The following LRRC4C variants were observed in gnomAD, a reference collection of about 807,000 sequenced individuals.
LRRC4C encodes leucine rich repeat containing 4C, also known as leucine-rich repeat-containing protein 4C.
Under a neutral mutation model 33.6 loss-of-function variants are expected in LRRC4C, and 5 were observed. That is an observed-to-expected ratio of 0.15 (90% CI 0.08 to 0.31). The LOEUF (loss-of-function observed/expected upper bound fraction) is 0.31, where lower values mean the gene tolerates loss of function less well. Ranked by LOEUF, LRRC4C falls within the 10% of genes least tolerant of loss-of-function variation. The pLI, the probability that LRRC4C is intolerant of heterozygous loss-of-function variation, is 1.00. For missense variants in LRRC4C, 560 were observed against 796.7 expected (o/e 0.70, Z 3.58); for synonymous variants, 329 against 302.0 (o/e 1.09, Z -0.93).
chr11:40,952,976 G>A (rs1005863478), intron 1 of LRRC4C, among the ~76,000 whole-genome samples: 5 of 147,172 alleles, frequency 3.4e-5, no homozygotes, highest in Non-Finnish European at 7.4e-5. Flanking sequence ...CCCCTGTATG[G>A]TTGTAAAATC....
At chr11:40,365,470 G>A (rs1012671814) in intron 3 of LRRC4C, among the ~76,000 whole-genome samples, 1 of 151,832 alleles carries the variant, frequency 6.6e-6, no homozygotes, top group African/African-American at 2.4e-5. Flanking sequence ...AGTTCTGCCG[G>A]TTTTTTTACC....
chr11:41,178,875 G>T (rs1945322640), intron 1 of LRRC4C, among the ~76,000 whole-genome samples: 1 of 152,022 alleles, frequency 6.6e-6, no homozygotes, highest in South Asian at 2.1e-4. Context: ...GCTAATTTTT[G>T]CATTTTTAGT....
At chr11:41,188,705 C>CA (rs10559968) in intron 1 of LRRC4C, among the ~76,000 whole-genome samples, 2,693 of 111,074 alleles carry the variant, frequency 0.024, 41 homozygotes, top group African/African-American at 0.051. Flanking sequence ...GAAAAAGAAG[C>CA]AAAAAAAAAA....
intron 1 of LRRC4C, among the ~76,000 whole-genome samples, chr11:40,938,416 A>G (rs1409569373): frequency 6.6e-6 from 1 of 152,180 alleles, no homozygotes. Context: ...CACCAAGTAG[A>G]GACATTGTAC....
Position 40,992,807 on chromosome 11 carries a change from C to T in LRRC4C, c.-495-59084G>A, listed in dbSNP as rs7938992. On this transcript the variant is annotated intron_variant, in intron 1 of 6. Coordinates refer to ENST00000528697, the MANE Select transcript of LRRC4C (RefSeq NM_001258419.2). ...CATTTAATATTTATTTCTCCATCTT[C>T]CTCATAACAATATTGAGCAATTTTG... is the stretch of plus-strand genomic sequence containing the variant. 1.6e-3 allele frequency among the ~76,000 whole-genome samples: 249 copies of T among 152,224 alleles called. 1 individual carries two copies. Among genetic ancestry groups the T allele is most frequent in the African/African-American group, 5.5e-3 (230 of 41,566 alleles).
chr11:40,851,188 A>AT (rs1338702114), intron 2 of LRRC4C, among the ~76,000 whole-genome samples: 1 of 151,790 alleles, frequency 6.6e-6, no homozygotes, highest in Non-Finnish European at 1.5e-5. Context: ...GGGAAAAAAA[A>AT]AACCCTCCTG....
At chr11:41,031,205 G>C (rs1472906615) in intron 1 of LRRC4C, among the ~76,000 whole-genome samples, 1 of 151,888 alleles carries the variant, frequency 6.6e-6, no homozygotes, top group Non-Finnish European at 1.5e-5. Flanking sequence ...AAGGCCGAAG[G>C]TTGAGCAATG....
chr11:40,875,470 G>T (rs1395108972), intron 2 of LRRC4C, among the ~76,000 whole-genome samples: 1 of 152,188 alleles, frequency 6.6e-6, no homozygotes, highest in African/African-American at 2.4e-5. Flanking sequence ...CTCTAGGATA[G>T]TAGTATGACC....
At chr11:41,222,780 T>A (rs1235183758) in intron 1 of LRRC4C, 5 of 135,682 alleles carry the variant, frequency 3.7e-5, no homozygotes, top group African/African-American at 1.2e-4. Flanking sequence ...ACAACTGGTA[T>A]GGAGAAAGTG....
chr11:41,368,836 G>A (rs1438417294), intron 1 of LRRC4C, among the ~76,000 whole-genome samples: 3 of 152,142 alleles, frequency 2.0e-5, no homozygotes, highest in East Asian at 3.9e-4. Flanking sequence ...TTTGTTGCAG[G>A]AGGCATACTT....
chr11:41,372,556 T>C (rs906497536), intron 1 of LRRC4C, among the ~76,000 whole-genome samples: 8 of 152,202 alleles, frequency 5.3e-5, no homozygotes, highest in Non-Finnish European at 1.2e-4. Flanking sequence ...GGCATTTTAA[T>C]ATTACCAAAC....
At chr11:40,426,039 A>T (rs1488912438) in intron 3 of LRRC4C, among the ~76,000 whole-genome samples, 2 of 142,894 alleles carry the variant, frequency 1.4e-5, no homozygotes, top group East Asian at 4.1e-4. Context: ...TTTGAGACAG[A>T]GTCTCGCTCT....
In LRRC4C at chr11:40,844,328, A is replaced by T. The variant is rs541195316; in HGVS notation, c.-407+89307T>A. Among the ~76,000 whole-genome samples the T allele has an allele frequency of 1.8e-3, 267 of 152,320 alleles. 2 individuals are homozygous for T. Among genetic ancestry groups the T allele is most frequent in the African/African-American group, 5.6e-3 (231 of 41,584 alleles). On this transcript the variant is annotated intron_variant, in intron 2 of 6. Coordinates refer to ENST00000528697, the MANE Select transcript of LRRC4C (RefSeq NM_001258419.2). ...CTTAATTATTTGCTCTAAACCAAAA[A>T]TAGTAATGTTATTTCCAATGCCAGT...
At chr11:41,020,526 T>C (rs531904372) in intron 1 of LRRC4C, among the ~76,000 whole-genome samples, 1 of 151,976 alleles carries the variant, frequency 6.6e-6, no homozygotes, top group East Asian at 1.9e-4. Flanking sequence ...GAAACAGACA[T>C]GCAGAGGGAA....
intron 1 of LRRC4C, among the ~76,000 whole-genome samples, chr11:41,153,596 TA>T (rs1436958870): frequency 6.6e-6 from 1 of 152,230 alleles, no homozygotes; most frequent in Non-Finnish European, 1.5e-5. Context: ...ACTTTGTGTT[TA>T]ACTAGCTCAC....
At chr11:40,837,939 G>A (rs1461998613) in intron 2 of LRRC4C, among the ~76,000 whole-genome samples, 1 of 151,786 alleles carries the variant, frequency 6.6e-6, no homozygotes, top group Non-Finnish European at 1.5e-5. Context: ...TTCATTTGCT[G>A]TTTTGGAAAT....
At chr11:40,523,658 G>A (rs1955919868) in intron 3 of LRRC4C, among the ~76,000 whole-genome samples, 1 of 150,860 alleles carries the variant, frequency 6.6e-6, no homozygotes, top group Non-Finnish European at 1.5e-5. Context: ...CTAATACTTG[G>A]GTTTCCATAA....
intron 1 of LRRC4C, among the ~76,000 whole-genome samples, chr11:41,007,536 A>G (rs1472439839): frequency 2.0e-5 from 3 of 152,136 alleles, no homozygotes; most frequent in East Asian, 1.9e-4. Context: ...AATTTCTCCT[A>G]TAGATGAACA....
chr11:40,380,357 G>A (rs896273638), intron 3 of LRRC4C, among the ~76,000 whole-genome samples: 17 of 152,138 alleles, frequency 1.1e-4, no homozygotes, highest in African/African-American at 4.1e-4. Context: ...TTATGGTTAG[G>A]TCATTTCCCT....
Sources: gnomAD v4.1 joint callset for allele counts (sites outside exome capture counted in the v4.1 genomes callset) on GRCh38, gnomAD v4.1.1 for gene constraint, MANE v1.5 for transcripts, NCBI Gene and HGNC (gene_info 2026-07-23, HGNC 2026-07-21) for gene names.